Variants in MEF2C observed in about 807,000 individuals in gnomAD.
MEF2C encodes the protein myocyte-specific enhancer factor 2C.
In MEF2C, 6 loss-of-function variants were observed where a neutral mutation model predicts 50.5. The observed-to-expected ratio is 0.12, with a 90% CI of 0.07 to 0.23. The LOEUF (loss-of-function observed/expected upper bound fraction) is 0.23, where lower values mean the gene tolerates loss of function less well. Ranked by LOEUF, MEF2C falls within the 10% of genes least tolerant of loss-of-function variation. The pLI is 1.00. For synonymous variants in MEF2C, 183 were observed against 228.0 expected (o/e 0.80, Z 1.78); for missense variants, 276 against 605.0 (o/e 0.46, Z 5.70).
At chr5:88,754,365 C>T (rs1469685998) in intron 4 of MEF2C, among the ~76,000 whole-genome samples, 1 of 152,226 alleles carries the variant, frequency 6.6e-6, no homozygotes, top group East Asian at 1.9e-4. Context: ...GGAACAGCTT[C>T]TAGGTTGCAA....
chr5:88,763,587 G>C (rs1325068695), intron 3 of MEF2C, among the ~76,000 whole-genome samples: 1 of 151,478 alleles, frequency 6.6e-6, no homozygotes, highest in African/African-American at 2.4e-5. Context: ...AAATATGTCA[G>C]ATCAAGAAAA....
chr5:88,810,124 A>C (rs1802148992), intron 2 of MEF2C, among the ~76,000 whole-genome samples: 1 of 152,100 alleles, frequency 6.6e-6, no homozygotes, highest in African/African-American at 2.4e-5. Context: ...CTCCATTTTG[A>C]AGTCTGAATG....
intron 4 of MEF2C, among the ~76,000 whole-genome samples, chr5:88,759,176 A>G (rs1032606751): frequency 3.3e-5 from 5 of 152,208 alleles, no homozygotes; most frequent in African/African-American, 7.2e-5. Context: ...AACTCAGATC[A>G]TAAGAACTAA....
intron 6 of MEF2C, chr5:88,739,154 T>C (rs2152390519): frequency 1.0e-6 from 1 of 984,494 alleles, no homozygotes; most frequent in Non-Finnish European, 1.2e-6. Context: ...GATTAGTTGT[T>C]ACCCGGGAAA....
intron 2 of MEF2C, among the ~76,000 whole-genome samples, chr5:88,816,302 C>G (rs1261642837): frequency 6.6e-6 from 1 of 151,746 alleles, no homozygotes; most frequent in Non-Finnish European, 1.5e-5. Flanking sequence ...TATCATGCAC[C>G]GAACAGGATA....
intron 1 of MEF2C, among the ~76,000 whole-genome samples, chr5:88,863,023 C>T (rs1826015553): frequency 6.6e-6 from 1 of 152,152 alleles, no homozygotes; most frequent in Non-Finnish European, 1.5e-5. Flanking sequence ...TGAAAGTCTG[C>T]TATGCTTCCA....
At chr5:88,786,111 T>TA (rs953660590) in intron 3 of MEF2C, among the ~76,000 whole-genome samples, 6 of 150,886 alleles carry the variant, frequency 4.0e-5, no homozygotes, top group Non-Finnish European at 5.9e-5. Flanking sequence ...AGGGAAAAAT[T>TA]AAAAAAAAAG....
intron 6 of MEF2C, chr5:88,746,561 C>T: frequency 1.0e-6 from 1 of 985,184 alleles, no homozygotes; most frequent in Non-Finnish European, 1.2e-6. Flanking sequence ...TTATCTGAAA[C>T]CTTGAATTTC....
Position 88,882,968 on chromosome 5 carries a change from C to G in MEF2C, c.-156G>C, listed in dbSNP as rs1463820600. The G allele has an allele frequency of 6.6e-6, 1 of 151,710 alleles. No individual in the cohort carries two copies. The highest frequency in any genetic ancestry group is 1.5e-5 in the Non-Finnish European group (1 of 67,946). 9.4% of individuals were successfully genotyped at this position (151,710 alleles called of 1,614,324 possible). On this transcript the variant is annotated 5_prime_UTR_variant, in exon 1 of 11. Coordinates refer to ENST00000504921, the MANE Select transcript of MEF2C (RefSeq NM_002397.5). ...AGGGGTACTTACATGAAGGAAGACC[C>G]GATCAGATTAGTCCTTGGGATATTT...
intron 3 of MEF2C, among the ~76,000 whole-genome samples, chr5:88,798,057 T>C (rs991674954): frequency 5.9e-5 from 9 of 152,194 alleles, no homozygotes; most frequent in Non-Finnish European, 1.0e-4. Flanking sequence ...GCTCGACCTT[T>C]CTCTCTGGCT....
At chr5:88,875,696 A>G (rs1343383554) in intron 1 of MEF2C, among the ~76,000 whole-genome samples, 2 of 152,062 alleles carry the variant, frequency 1.3e-5, no homozygotes, top group Non-Finnish European at 2.9e-5. Flanking sequence ...AAGTTAAAGA[A>G]GGGAAACATT....
chr5:88,799,226 T>C (rs1389721782), intron 3 of MEF2C, among the ~76,000 whole-genome samples: 2 of 152,214 alleles, frequency 1.3e-5, no homozygotes, highest in Non-Finnish European at 2.9e-5. Context: ...CATTTAAGTC[T>C]GCTGAAGCTG....
At chr5:88,851,094 G>A (rs933511831) in intron 1 of MEF2C, among the ~76,000 whole-genome samples, 9 of 151,890 alleles carry the variant, frequency 5.9e-5, no homozygotes, top group East Asian at 1.9e-4. Flanking sequence ...TTAGCTGGGC[G>A]TGGTGGCGTG....
chr5:88,819,283 A>T, intron 2 of MEF2C: 1 of 914,172 alleles, frequency 1.1e-6, no homozygotes, highest in Non-Finnish European at 1.3e-6. Context: ...TAAAAAGCAT[A>T]ATTTGTTTCG....
intron 1 of MEF2C, among the ~76,000 whole-genome samples, chr5:88,852,493 T>C (rs1157908137): frequency 6.6e-6 from 1 of 152,214 alleles, no homozygotes; most frequent in Non-Finnish European, 1.5e-5. Flanking sequence ...TGTACAACAA[T>C]AAAACTTTCC....
intron 6 of MEF2C, chr5:88,736,102 A>C (rs1449280042): frequency 1.0e-6 from 1 of 985,170 alleles, no homozygotes; most frequent in Non-Finnish European, 1.2e-6. Context: ...TCCATATCCA[A>C]TGAGATACCA....
chr5:88,740,045 C>T, intron 6 of MEF2C: 6 of 985,060 alleles, frequency 6.1e-6, no homozygotes, highest in Non-Finnish European at 7.2e-6. Flanking sequence ...AGAGAAATAC[C>T]CCAAGACTAT....
At chr5:88,764,452 G>C (rs1311886802) in intron 3 of MEF2C, among the ~76,000 whole-genome samples, 1 of 152,140 alleles carries the variant, frequency 6.6e-6, no homozygotes. Context: ...GAAGTGATGA[G>C]TGCAGACTAG....
intron 2 of MEF2C, among the ~76,000 whole-genome samples, chr5:88,812,908 G>A (rs1047946609): frequency 6.6e-6 from 1 of 152,096 alleles, no homozygotes; most frequent in African/African-American, 2.4e-5. Flanking sequence ...TGTTTATTGA[G>A]CAGTATGCAG....
Sources: allele counts gnomAD v4.1 joint callset (sites outside exome capture counted in the v4.1 genomes callset), GRCh38; gene constraint gnomAD v4.1.1; transcripts MANE v1.5; gene names NCBI Gene and HGNC (gene_info 2026-07-23, HGNC 2026-07-21).